DLC1: variants seen among roughly 807,000 people sequenced by gnomAD.
The protein encoded by DLC1 is DLC1 Rho GTPase activating protein.
DLC1 carries 54 observed loss-of-function variants against 140.3 expected under a neutral mutation model. The observed-to-expected ratio is 0.38, with a 90% CI of 0.31 to 0.48. DLC1 has a LOEUF of 0.48. Ranked by LOEUF, DLC1 falls within the 20% of genes least tolerant of loss-of-function variation. DLC1 has a pLI of 0.96. For missense variants in DLC1, 2,536 were observed against 1,907.0 expected (o/e 1.33, Z -6.14); for synonymous variants, 986 against 728.1 (o/e 1.35, Z -5.70).
chr8:13,586,943 C>G (rs546976646), intron 1 of DLC1, among the ~76,000 whole-genome samples: 1 of 152,190 alleles, frequency 6.6e-6, no homozygotes, highest in East Asian at 1.9e-4. Context: ...TCAGGTGCCT[C>G]AATATAATAA....
At chr8:13,316,238 G>T (rs547249415) in intron 4 of DLC1, among the ~76,000 whole-genome samples, 1 of 152,272 alleles carries the variant, frequency 6.6e-6, no homozygotes, top group South Asian at 2.1e-4. Context: ...GCAGCCTGTA[G>T]GACTCACAGA....
intron 5 of DLC1, among the ~76,000 whole-genome samples, chr8:13,187,119 T>A (rs1203407032): frequency 6.6e-6 from 1 of 151,024 alleles, no homozygotes; most frequent in Non-Finnish European, 1.5e-5. Context: ...TCACTCACAT[T>A]CCCCTTCTCC....
intron 5 of DLC1, among the ~76,000 whole-genome samples, chr8:13,239,525 G>A (rs1414222056): frequency 6.6e-6 from 1 of 152,256 alleles, no homozygotes; most frequent in South Asian, 2.1e-4. Context: ...TGGATCTGCG[G>A]CTGTGATCAG....
At chr8:13,108,159 T>A (rs1461644487) in intron 7 of DLC1, among the ~76,000 whole-genome samples, 1 of 152,168 alleles carries the variant, frequency 6.6e-6, no homozygotes, top group African/African-American at 2.4e-5. Flanking sequence ...TCATGAAAAG[T>A]CCATTTATGT....
At chr8:13,312,360 C>CAAAAAAAAAAAAAAAAA (rs777597726) in intron 4 of DLC1, among the ~76,000 whole-genome samples, 3 of 6,642 alleles carry the variant, frequency 4.5e-4, no homozygotes, top group Non-Finnish European at 9.8e-4. Context: ...GACTCCGTCT[C>CAAAAAAAAAAAAAAAAA]AAAAAAAAAA....
intron 2 of DLC1, among the ~76,000 whole-genome samples, chr8:13,468,456 C>G (rs1250789402): frequency 6.7e-6 from 1 of 149,506 alleles, no homozygotes; most frequent in Non-Finnish European, 1.5e-5. Flanking sequence ...TCATAGGTCA[C>G]TGTGGCCTTG....
chr8:13,309,646 T>C (rs1832590326), intron 4 of DLC1, among the ~76,000 whole-genome samples: 1 of 152,192 alleles, frequency 6.6e-6, no homozygotes, highest in Non-Finnish European at 1.5e-5. Flanking sequence ...GATTTTGACA[T>C]GCCACATGGA....
chr8:13,089,305 A>G (rs1334143000), intron 15 of DLC1, among the ~76,000 whole-genome samples: 1 of 149,718 alleles, frequency 6.7e-6, no homozygotes, highest in Non-Finnish European at 1.5e-5. Flanking sequence ...TTTTTCTGGG[A>G]CCTATATCAG....
intron 4 of DLC1, among the ~76,000 whole-genome samples, chr8:13,322,967 T>C (rs984887245): frequency 6.6e-6 from 1 of 152,164 alleles, no homozygotes; most frequent in Admixed American, 6.5e-5. Flanking sequence ...AGCAGCCATG[T>C]CATGAGGATA....
chr8:13,186,024 G>A (rs867801780), intron 5 of DLC1, among the ~76,000 whole-genome samples: 3 of 152,332 alleles, frequency 2.0e-5, no homozygotes, highest in Middle Eastern at 6.8e-3. Context: ...TCCACTGTTA[G>A]TCTGATGGGC....
chr8:13,410,579 C>T (rs372337641), intron 2 of DLC1, among the ~76,000 whole-genome samples: 1 of 151,774 alleles, frequency 6.6e-6, no homozygotes, highest in Non-Finnish European at 1.5e-5. Flanking sequence ...GGAAAAACCC[C>T]TCATATCACA....
chr8:13,311,109 T>C (rs1255028958), intron 4 of DLC1, among the ~76,000 whole-genome samples: 1 of 152,218 alleles, frequency 6.6e-6, no homozygotes, highest in Non-Finnish European at 1.5e-5. Flanking sequence ...TTTGCCCCAG[T>C]ATCAGCTGAT....
At chr8:13,566,739 A>C in intron 1 of DLC1, 1 of 494,586 alleles carries the variant, frequency 2.0e-6, no homozygotes, top group South Asian at 3.8e-5. Flanking sequence ...AAAATCGCCA[A>C]CCCGGCGCAA....
intron 1 of DLC1, chr8:13,584,045 A>G (rs1361504274): frequency 6.6e-6 from 1 of 152,498 alleles, no homozygotes; most frequent in East Asian, 1.9e-4. Context: ...GCACTGGTAG[A>G]AAGTGTCTGA....
intron 1 of DLC1, among the ~76,000 whole-genome samples, chr8:13,529,049 T>C (rs541245464): frequency 1.3e-5 from 2 of 152,350 alleles, no homozygotes; most frequent in African/African-American, 4.8e-5. Flanking sequence ...AACAGTGACA[T>C]TTATTACTCA....
chr8:13,575,438 TG>T (rs1475758318), intron 1 of DLC1, among the ~76,000 whole-genome samples: 1 of 150,624 alleles, frequency 6.6e-6, no homozygotes, highest in Non-Finnish European at 1.5e-5. Flanking sequence ...AATTAGGGGG[TG>T]GGGCCGAGGG....
chr8:13,528,700 T>C (rs531698546), intron 1 of DLC1, among the ~76,000 whole-genome samples: 1 of 152,298 alleles, frequency 6.6e-6, no homozygotes, highest in East Asian at 1.9e-4. Flanking sequence ...AGCTGCAAGT[T>C]TTTTAATGAG....
chr8:13,383,100 C>T (rs1281659475), intron 4 of DLC1, among the ~76,000 whole-genome samples: 3 of 152,192 alleles, frequency 2.0e-5, no homozygotes, highest in Admixed American at 1.3e-4. Flanking sequence ...GAAATCATCT[C>T]ACTTGCAAAC....
chr8:13,273,438 G>C, intron 5 of DLC1, among the ~76,000 whole-genome samples: 1 of 152,298 alleles, frequency 6.6e-6, no homozygotes, highest in East Asian at 1.9e-4. Context: ...AGAAACTCCT[G>C]TGGGATGTAA....
Sources: gnomAD v4.1 joint callset for allele counts (sites outside exome capture counted in the v4.1 genomes callset) on GRCh38, gnomAD v4.1.1 for gene constraint, MANE v1.5 for transcripts, NCBI Gene and HGNC (gene_info 2026-07-23, HGNC 2026-07-21) for gene names.